RHOJ: variants seen among roughly 807,000 people sequenced by gnomAD.
The protein encoded by RHOJ is rho-related GTP-binding protein RhoJ.
Under a neutral mutation model 23.4 loss-of-function variants are expected in RHOJ, and 11 were observed. That is an observed-to-expected ratio of 0.47 (90% confidence interval 0.30 to 0.78). RHOJ has a LOEUF of 0.78. Among genes scored for constraint, RHOJ ranks in the 30% least tolerant of loss-of-function variants. The pLI is 0.08. For synonymous variants in RHOJ, 102 were observed against 102.7 expected (o/e 0.99, Z 0.04); for missense variants, 254 against 273.4 (o/e 0.93, Z 0.50).
chr14:63,205,343 A>C, intron 1 of RHOJ, among the ~76,000 whole-genome samples: 1 of 152,332 alleles, frequency 6.6e-6, no homozygotes, highest in Admixed American at 6.5e-5. Context: ...CTCAACATTC[A>C]TTAAAGTTTT....
chr14:63,228,850 T>G (rs1894641486), intron 1 of RHOJ, among the ~76,000 whole-genome samples: 1 of 152,210 alleles, frequency 6.6e-6, no homozygotes, highest in Non-Finnish European at 1.5e-5. Context: ...ATTAAGTAAT[T>G]TTTGAAGGAC....
intron 1 of RHOJ, among the ~76,000 whole-genome samples, chr14:63,267,660 G>C (rs1175556965): frequency 6.6e-6 from 1 of 152,226 alleles, no homozygotes; most frequent in East Asian, 1.9e-4. Context: ...AACAGGACAA[G>C]AGCTCTGGGC....
At chr14:63,285,632 C>T (rs987187960) in intron 4 of RHOJ, among the ~76,000 whole-genome samples, 3 of 152,132 alleles carry the variant, frequency 2.0e-5, no homozygotes, top group Admixed American at 6.5e-5. Flanking sequence ...TATAAATATT[C>T]ATTATTCTTT....
Position 63,269,159 on chromosome 14 carries a change from C to T in RHOJ, c.228C>T (p.Thr76=), listed in dbSNP as rs144360251. The T allele has an allele frequency of 9.6e-4, 1,549 of 1,611,352 alleles. 9 individuals are homozygous for T. The highest frequency in any genetic ancestry group is 5.4e-3 in the Middle Eastern group (33 of 6,058). ...GKQHLLGLYD[T]AGQEDYNQLR... ...AACACTTGCTCGGACTGTATGACAC[C>T]GCGGGACAGGTACATTTTTATTATC... Residue 76 remains threonine (T), a synonymous_variant, in exon 2 of 5, where the codon ACC becomes ACT. Coordinates refer to ENST00000316754, the MANE Select transcript of RHOJ (RefSeq NM_020663.5).
intron 1 of RHOJ, among the ~76,000 whole-genome samples, chr14:63,263,847 A>C (rs1895316465): frequency 6.6e-6 from 1 of 152,048 alleles, no homozygotes; most frequent in Admixed American, 6.6e-5. Context: ...CTGTGTGCCT[A>C]CCTTCTTGGC....
intron 1 of RHOJ, among the ~76,000 whole-genome samples, chr14:63,217,074 TTTC>T (rs1248061753): frequency 1.8e-4 from 7 of 39,752 alleles, no homozygotes. Context: ...CCGCTTTTTT[TTTC>T]TTTTTTTCTT....
chr14:63,278,457 G>T (rs1291221635), intron 2 of RHOJ, among the ~76,000 whole-genome samples: 1 of 151,862 alleles, frequency 6.6e-6, no homozygotes, highest in Admixed American at 6.6e-5. Context: ...TTTAAGTTCT[G>T]GGATACATGT....
At chr14:63,252,060 TG>T (rs1333032855) in intron 1 of RHOJ, among the ~76,000 whole-genome samples, 2 of 152,152 alleles carry the variant, frequency 1.3e-5, no homozygotes, top group Non-Finnish European at 2.9e-5. Context: ...TACTCCAGCC[TG>T]GGCAACAGAG....
At chr14:63,230,424 C>T (rs1355878474) in intron 1 of RHOJ, among the ~76,000 whole-genome samples, 1 of 151,882 alleles carries the variant, frequency 6.6e-6, no homozygotes, top group African/African-American at 2.4e-5. Flanking sequence ...TATTATTTGG[C>T]GTGTCTATTC....
chr14:63,229,619 C>T (rs2139745556), intron 1 of RHOJ, among the ~76,000 whole-genome samples: 1 of 152,302 alleles, frequency 6.6e-6, no homozygotes, highest in African/African-American at 2.4e-5. Flanking sequence ...ATGGCCCCCT[C>T]CATCTGCAAA....
chr14:63,287,013 C>T (rs1016433574), intron 4 of RHOJ, among the ~76,000 whole-genome samples: 1 of 152,200 alleles, frequency 6.6e-6, no homozygotes, highest in African/African-American at 2.4e-5. Flanking sequence ...GAATACAGAA[C>T]TACTCTGCTA....
At chr14:63,278,942 C>T (rs185010754) in intron 2 of RHOJ, among the ~76,000 whole-genome samples, 46 of 152,134 alleles carry the variant, frequency 3.0e-4, no homozygotes, top group Admixed American at 5.2e-4. Context: ...GCCATGATCA[C>T]GCCATTGCAC....
intron 4 of RHOJ, among the ~76,000 whole-genome samples, chr14:63,290,193 A>G (rs879410452): frequency 6.6e-6 from 1 of 152,226 alleles, no homozygotes; most frequent in Non-Finnish European, 1.5e-5. Flanking sequence ...CAGAGTTAAG[A>G]TGGTGCCACT....
At chr14:63,221,600 C>T (rs998273018) in intron 1 of RHOJ, among the ~76,000 whole-genome samples, 4 of 152,308 alleles carry the variant, frequency 2.6e-5, no homozygotes, top group South Asian at 2.1e-4. Context: ...AACTGTGTTA[C>T]GCATCTCCCA....
intron 1 of RHOJ, among the ~76,000 whole-genome samples, chr14:63,243,599 C>T (rs1436861094): frequency 6.6e-6 from 1 of 152,104 alleles, no homozygotes; most frequent in Non-Finnish European, 1.5e-5. Flanking sequence ...CTTGGCTTCC[C>T]GAAGTGCCAG....
intron 4 of RHOJ, chr14:63,284,394 C>G (rs1430685490): frequency 3.1e-6 from 3 of 970,008 alleles, no homozygotes; most frequent in African/African-American, 1.8e-5. Context: ...ATCCTAAGTA[C>G]TTAATAATAT....
rs45628735 is a variant in RHOJ, at chr14:63,204,880, A to G, written c.11A>G (p.Lys4Arg). The change falls in exon 1 of 5, where the codon AAA becomes AGA. Residue 4 changes from lysine (K) to arginine (R), a missense_variant. Transcript: ENST00000316754. MNC[K>R]EGTDSSCGCR... The stretch of plus-strand genomic sequence containing the variant: ...GCTGGAGCCGCAAGAATGAACTGCA[A>G]AGAGGGAACTGACAGCAGCTGCGGC... 1.1e-3 allele frequency: 1,850 copies of G among 1,613,404 alleles called. 6 individuals carry two copies. Among genetic ancestry groups the G allele is most frequent in the Admixed American group, 1.6e-3 (97 of 59,836 alleles).
intron 1 of RHOJ, among the ~76,000 whole-genome samples, chr14:63,208,749 T>C (rs534193026): frequency 2.0e-4 from 31 of 152,320 alleles, no homozygotes; most frequent in African/African-American, 6.3e-4. Context: ...GTATGCTTGA[T>C]TGTATCTAGT....
intron 1 of RHOJ, among the ~76,000 whole-genome samples, chr14:63,252,309 T>G (rs1895085810): frequency 6.6e-6 from 1 of 152,138 alleles, no homozygotes; most frequent in South Asian, 2.1e-4. Context: ...GTGGGCATCT[T>G]TGGGGGACCA....
Sources: allele counts gnomAD v4.1 joint callset (sites outside exome capture counted in the v4.1 genomes callset), GRCh38; gene constraint gnomAD v4.1.1; transcripts MANE v1.5; gene names NCBI Gene and HGNC (gene_info 2026-07-23, HGNC 2026-07-21).